SGCD: variants seen among roughly 807,000 people sequenced by gnomAD.
SGCD encodes delta-sarcoglycan.
Under a neutral mutation model 36.6 loss-of-function variants are expected in SGCD, and 18 were observed. The observed-to-expected ratio is 0.49, with a 90% CI of 0.34 to 0.73. The LOEUF is 0.73. Among genes scored for constraint, SGCD ranks in the 30% least tolerant of loss-of-function variants. The probability of loss-of-function intolerance (pLI) is 0.01; values close to 1 mark genes in which losing one functional copy is unlikely to be tolerated. For missense variants in SGCD, 387 were observed against 346.7 expected, an observed-to-expected ratio of 1.12 and a Z score of -0.92; for synonymous variants, 133 against 130.6, an observed-to-expected ratio of 1.02 and a Z score of -0.12.
chr5:156,336,561 G>T (rs1044503047), intron 2 of SGCD, among the ~76,000 whole-genome samples: 5 of 151,954 alleles, frequency 3.3e-5, no homozygotes, highest in Non-Finnish European at 7.4e-5. Flanking sequence ...GTTTTTATGG[G>T]ACTATCAGTT....
At chr5:156,188,528 G>A (rs1763814837) in intron 3 of SGCD, among the ~76,000 whole-genome samples, 1 of 152,066 alleles carries the variant, frequency 6.6e-6, no homozygotes, top group Non-Finnish European at 1.5e-5. Flanking sequence ...AGGCTTCTGA[G>A]AGCCTTTCCT....
chr5:155,901,877 T>A (rs533801572), intron 1 of SGCD, among the ~76,000 whole-genome samples: 18 of 152,188 alleles, frequency 1.2e-4, no homozygotes, highest in Non-Finnish European at 2.4e-4. Flanking sequence ...ACTTCATAGA[T>A]CAAGAACAGA....
At position 156,344,695 on chromosome 5, in the gene SGCD, G is replaced by A. The variant is rs1377904019; in HGVS notation, c.192+18G>A. On this transcript the variant is annotated intron_variant, in intron 3 of 8. Transcript: ENST00000337851. ...TCACAATTGTAAGTAAAACCATCTA[G>A]GTTTGTTTAGCTTTCTTCCGGGAGG... The A allele has an allele frequency of 1.3e-6, 2 of 1,577,674 alleles. No homozygotes were observed. Among genetic ancestry groups the A allele is most frequent in the South Asian group, 2.3e-5 (2 of 85,314 alleles).
intron 1 of SGCD, among the ~76,000 whole-genome samples, chr5:155,967,049 G>A (rs13354764): frequency 3.3e-5 from 5 of 151,636 alleles, no homozygotes; most frequent in African/African-American, 7.3e-5. Context: ...CTTTATTGTC[G>A]TGCATATTGG....
intron 4 of SGCD, among the ~76,000 whole-genome samples, chr5:156,531,358 G>A (rs939106552): frequency 1.3e-5 from 2 of 152,186 alleles, no homozygotes; most frequent in African/African-American, 4.8e-5. Flanking sequence ...TCTTTTGGTT[G>A]TTGTTATAAC....
At chr5:155,736,682 T>TACC in the SGCD span, among the ~76,000 whole-genome samples, 1 of 152,180 alleles carries the variant, frequency 6.6e-6, no homozygotes, top group Non-Finnish European at 1.5e-5. Context: ...CTGTCACTGC[T>TACC]ACCACCACCA....
intron 4 of SGCD, among the ~76,000 whole-genome samples, chr5:156,583,183 GC>G (rs1161178242): frequency 2.0e-5 from 3 of 152,170 alleles, no homozygotes; most frequent in South Asian, 2.1e-4. Flanking sequence ...TGAAGGCAAT[GC>G]CAACTGTGCA....
chr5:156,024,957 CAAAA>C (rs34607261), intron 1 of SGCD, among the ~76,000 whole-genome samples: 3 of 124,512 alleles, frequency 2.4e-5, no homozygotes, highest in Non-Finnish European at 5.1e-5. Flanking sequence ...GACTCCATCT[CAAAA>C]AAAAAAAAAA....
At chr5:156,069,849 C>A (rs1196703529) in intron 1 of SGCD, among the ~76,000 whole-genome samples, 2 of 151,996 alleles carry the variant, frequency 1.3e-5, no homozygotes, top group Non-Finnish European at 2.9e-5. Flanking sequence ...CCTTCACGTC[C>A]CTTGTAAGTT....
chr5:156,234,665 A>G (rs1046758382), intron 3 of SGCD, among the ~76,000 whole-genome samples: 4 of 152,210 alleles, frequency 2.6e-5, no homozygotes, highest in Admixed American at 2.6e-4. Flanking sequence ...GGAGTGACCC[A>G]TACATGGAAA....
intron 3 of SGCD, among the ~76,000 whole-genome samples, chr5:156,163,329 C>G (rs188397297): frequency 1.6e-4 from 24 of 151,528 alleles, no homozygotes; most frequent in Admixed American, 9.2e-4. Flanking sequence ...TTTGAGGAAC[C>G]CTGTCAGAGT....
chr5:156,239,357 G>A (rs249889), intron 3 of SGCD, among the ~76,000 whole-genome samples: 37,798 of 138,144 alleles, frequency 0.27, 5,297 homozygotes, highest in Admixed American at 0.33. Context: ...CAGAGATTGC[G>A]CCACTGCCCT....
At chr5:156,154,674 A>G (rs930397416) in intron 3 of SGCD, among the ~76,000 whole-genome samples, 2 of 151,634 alleles carry the variant, frequency 1.3e-5, no homozygotes, top group African/African-American at 4.9e-5. Flanking sequence ...TATTATCTCC[A>G]TGTGAGAAAC....
chr5:155,751,658 T>C, the SGCD span, among the ~76,000 whole-genome samples: 1 of 151,770 alleles, frequency 6.6e-6, no homozygotes, highest in African/African-American at 2.4e-5. Flanking sequence ...ATTATAGGCG[T>C]GAGCCACCAT....
At chr5:156,211,352 A>T (rs1325527085) in intron 3 of SGCD, among the ~76,000 whole-genome samples, 1 of 152,182 alleles carries the variant, frequency 6.6e-6, no homozygotes, top group Non-Finnish European at 1.5e-5. Context: ...TCAAGCCTGT[A>T]ATCCCAGCAC....
At chr5:156,196,979 A>T (rs1764037799) in intron 3 of SGCD, among the ~76,000 whole-genome samples, 1 of 152,182 alleles carries the variant, frequency 6.6e-6, no homozygotes, top group Non-Finnish European at 1.5e-5. Context: ...CACTTAGTTT[A>T]TTAATATTAT....
At chr5:156,190,640 A>G (rs1173560867) in intron 3 of SGCD, among the ~76,000 whole-genome samples, 1 of 152,192 alleles carries the variant, frequency 6.6e-6, no homozygotes. Context: ...TGGAGATTAT[A>G]TTTTAACAGA....
chr5:156,105,680 T>C (rs1761628632), intron 1 of SGCD, among the ~76,000 whole-genome samples: 1 of 152,182 alleles, frequency 6.6e-6, no homozygotes, highest in African/African-American at 2.4e-5. Flanking sequence ...AGTAAATTAT[T>C]CCAAGCACCA....
rs1753912443 is a variant in SGCD at position 156,449,677 on chromosome 5, C to CAAACAA, written c.193-58921_193-58920insCAAAAA. 1.5e-4 allele frequency among the ~76,000 whole-genome samples: 7 copies of CAAACAA among 46,058 alleles called. No individual in the cohort carries two copies. The South Asian group carries it at 5.3e-3, about 35-fold the overall frequency. 30.2% of individuals were successfully genotyped at this position (46,058 alleles called of 152,430 possible). A position where few individuals can be genotyped will look rare whatever the true frequency, so the allele number is the denominator to read the frequency against. On this transcript the variant is annotated intron_variant, in intron 3 of 8. Coordinates refer to ENST00000337851, the MANE Select transcript of SGCD (RefSeq NM_000337.6). ...TGAAACTCCGTCTCTACTAAAAATA[C>CAAACAA]AAAAAAAAAAAAAAAAAAAAAAAAA...
Sources: gnomAD v4.1 joint callset for allele counts (sites outside exome capture counted in the v4.1 genomes callset) on GRCh38, gnomAD v4.1.1 for gene constraint, MANE v1.5 for transcripts, NCBI Gene and HGNC (gene_info 2026-07-23, HGNC 2026-07-21) for gene names.